Variants in VAX2 observed in about 807,000 individuals in gnomAD.
VAX2 encodes ventral anterior homeobox 2.
Under a neutral mutation model 12.5 loss-of-function variants are expected in VAX2, and 8 were observed. That is an observed-to-expected ratio of 0.64 (90% CI 0.37 to 1.15). The LOEUF (loss-of-function observed/expected upper bound fraction) is 1.15, where lower values mean the gene tolerates loss of function less well. Among genes scored for constraint, VAX2 ranks in the 50% most tolerant of loss-of-function variants. The probability of loss-of-function intolerance (pLI) is 0.01; values close to 1 mark genes in which losing one functional copy is unlikely to be tolerated. For synonymous variants in VAX2, 183 were observed against 187.6 expected (o/e 0.98, Z 0.20); for missense variants, 476 against 412.9 (o/e 1.15, Z -1.32).
At chr2:70,921,755 G>C (rs2104777569) in intron 2 of VAX2, among the ~76,000 whole-genome samples, 1 of 152,156 alleles carries the variant, frequency 6.6e-6, no homozygotes, top group East Asian at 1.9e-4. Context: ...CTTCATCTCA[G>C]GGTGCCTCAG....
At chr2:70,928,532 C>A (rs1679622229) in intron 2 of VAX2, among the ~76,000 whole-genome samples, 2 of 152,170 alleles carry the variant, frequency 1.3e-5, no homozygotes, top group Admixed American at 6.5e-5. Flanking sequence ...CTCACCTTCT[C>A]AGGAGACGCC....
rs1678995154 is a variant in VAX2, at chr2:70,904,061, G to C, written c.247+3193G>C. Among the ~76,000 whole-genome samples the C allele has an allele frequency of 1.3e-5, 2 of 152,204 alleles. No homozygotes were observed. Among genetic ancestry groups the C allele is most frequent in the Admixed American group, 6.5e-5 (1 of 15,286 alleles). On this transcript the variant is annotated intron_variant, in intron 1 of 2. Transcript: ENST00000234392. The surrounding 1 kb of genome is among the most constrained non-coding windows in gnomAD (Gnocchi z 4.2). ...CATGGGCACGGACCAGAGCTGCTGA[G>C]ATGATAGGCCGGGCGCATAACAGGC...
At chr2:70,922,097 G>T (rs1373001791) in intron 2 of VAX2, among the ~76,000 whole-genome samples, 5 of 152,168 alleles carry the variant, frequency 3.3e-5, no homozygotes, top group Non-Finnish European at 7.3e-5. Context: ...TCCGGAGCTG[G>T]GCTTTGGACA....
chr2:70,923,159 C>G (rs1553413077), intron 2 of VAX2, among the ~76,000 whole-genome samples: 1 of 152,162 alleles, frequency 6.6e-6, no homozygotes, highest in African/African-American at 2.4e-5. Context: ...CAGAACACAG[C>G]TGGACACATA....
At position 70,904,812 on chromosome 2, in the gene VAX2, G is replaced by A. The variant is rs142186908; in HGVS notation, c.247+3944G>A. ...GGCTGGGCGATTCCCGCCGTGGGAC[G>A]GGTGGGATTGACCTTAGTGGAGTCC... On this transcript the variant is annotated intron_variant, in intron 1 of 2. Coordinates refer to ENST00000234392, the MANE Select transcript of VAX2 (RefSeq NM_012476.3). The surrounding 1 kb of genome is among the most constrained non-coding windows in gnomAD (Gnocchi z 4.2). 6.6e-6 allele frequency among the ~76,000 whole-genome samples: 1 copy of A among 152,252 alleles called. No individual in the cohort carries two copies. Among genetic ancestry groups the A allele is most frequent in the African/African-American group, 2.4e-5 (1 of 41,472 alleles).
chr2:70,914,740 CT>C (rs1353275522), intron 1 of VAX2, among the ~76,000 whole-genome samples: 43 of 150,662 alleles, frequency 2.9e-4, no homozygotes, highest in African/African-American at 1.0e-3. Flanking sequence ...ATTTAGCTGT[CT>C]TTTTTTGTGA....
At chr2:70,925,919 C>T (rs149013112) in intron 2 of VAX2, among the ~76,000 whole-genome samples, 176 of 152,272 alleles carry the variant, frequency 1.2e-3, no homozygotes, top group African/African-American at 4.0e-3. Flanking sequence ...CTCTTTTTAT[C>T]TCTTCTCCTC....
chr2:70,912,965 C>A (rs1222499307), intron 1 of VAX2, among the ~76,000 whole-genome samples: 2 of 149,900 alleles, frequency 1.3e-5, no homozygotes, highest in African/African-American at 5.1e-5. Context: ...AAGTGCCTAC[C>A]TGCAAGGAAG....
chr2:70,920,108 T>A (rs545833842), intron 1 of VAX2, among the ~76,000 whole-genome samples: 2 of 152,322 alleles, frequency 1.3e-5, no homozygotes, highest in East Asian at 3.9e-4. Context: ...CCATTGCCAA[T>A]GCTAAGTAAT....
At chr2:70,910,795 C>CA (rs1242615641) in intron 1 of VAX2, among the ~76,000 whole-genome samples, 319 of 113,836 alleles carry the variant, frequency 2.8e-3, no homozygotes, top group Middle Eastern at 8.1e-3. Flanking sequence ...AAAAAAAAAA[C>CA]AAAACAAAAC....
intron 2 of VAX2, chr2:70,924,383 A>ACGGGGTCT (rs1679524042): frequency 6.8e-6 from 1 of 147,078 alleles, no homozygotes; most frequent in Non-Finnish European, 1.5e-5. Flanking sequence ...TACTGTAGAG[A>ACGGGGTCT]CGGGGTCTCG....
At chr2:70,908,485 GT>G (rs1240717608) in intron 1 of VAX2, among the ~76,000 whole-genome samples, 4 of 151,818 alleles carry the variant, frequency 2.6e-5, no homozygotes, top group African/African-American at 7.2e-5. Flanking sequence ...CTTTTTGTTT[GT>G]TTTTTTTATA....
intron 1 of VAX2, among the ~76,000 whole-genome samples, chr2:70,918,153 G>C (rs782233044): frequency 1.1e-4 from 17 of 152,236 alleles, no homozygotes; most frequent in Non-Finnish European, 1.9e-4. Flanking sequence ...CTGCCCAGCA[G>C]CTTGGCAGGA....
At chr2:70,909,774 T>C (rs769784000) in intron 1 of VAX2, among the ~76,000 whole-genome samples, 8 of 152,218 alleles carry the variant, frequency 5.3e-5, no homozygotes, top group Admixed American at 1.3e-4. Flanking sequence ...GTTATGTAGA[T>C]ATCATATAAC....
Position 70,933,029 on chromosome 2 carries a change from C to G in VAX2, c.698C>G (p.Ser233Cys). 1 of 1,599,434 alleles carries G rather than the reference C, an allele frequency of 6.3e-7. No homozygotes were observed. Among genetic ancestry groups the G allele is most frequent in the Non-Finnish European group, 8.5e-7 (1 of 1,172,546 alleles). Residue 233 changes from serine (S) to cysteine (C), a missense_variant, in exon 3 of 3, where the codon TCC becomes TGC. Ser to Cys is a moderately radical substitution (Grantham distance 112, BLOSUM62 -1). Transcript: ENST00000234392. The stretch of plus-strand genomic sequence containing the variant: ...TCCTCCCCACGCCTCAACCCGCTGT[C>G]CTCGGCCTCAGCGTCCCCCCCACTG... ...RNSSPRLNPLSSASASPPLPP... is the reference protein window; with the variant it reads ...RNSSPRLNPLCSASASPPLPP...
chr2:70,911,025 G>T (rs768835549), intron 1 of VAX2, among the ~76,000 whole-genome samples: 2 of 151,838 alleles, frequency 1.3e-5, no homozygotes, highest in Non-Finnish European at 2.9e-5. Flanking sequence ...TTATTCCCTA[G>T]TCTTTTCACC....
Position 70,932,751 on chromosome 2 carries a change from C to T in VAX2, c.436-16C>T, listed in dbSNP as rs1183609762. On this transcript the variant is annotated splice_polypyrimidine_tract_variant and intron_variant, in intron 2 of 2. Coordinates refer to ENST00000234392, the MANE Select transcript of VAX2 (RefSeq NM_012476.3). ...TGTCCCATCTCCCTCCTTGACACCC[C>T]CTCCCCCACCCCAAGGTGAAGGTCT... 12 of 1,521,610 alleles carry T rather than the reference C, an allele frequency of 7.9e-6. No homozygotes were observed. Among genetic ancestry groups the T allele is most frequent in the Non-Finnish European group, 8.8e-6 (10 of 1,132,498 alleles). The allele number at this position is 1,521,610 out of a possible 1,614,324, so 94.3% of individuals were successfully genotyped here.
Position 70,921,221 on chromosome 2 carries a change from G to C in VAX2, c.371G>C (p.Cys124Ser), listed in dbSNP as rs781991079. 3.8e-5 allele frequency: 62 copies of C among 1,613,570 alleles called. No individual in the cohort carries two copies. Among genetic ancestry groups the C allele is most frequent in the Non-Finnish European group, 5.1e-5 (60 of 1,179,926 alleles). Residue 124 changes from cysteine (C) to serine (S), a missense_variant, in exon 2 of 3, where the codon TGC becomes TCC. Physicochemically the swap from Cys to Ser is moderately radical, Grantham distance 112. Coordinates refer to ENST00000234392, the MANE Select transcript of VAX2 (RefSeq NM_012476.3). The stretch of plus-strand genomic sequence containing the variant: ...CGCCTGGAGATGGAGTTCCAGCGCT[G>C]CCAGTATGTGGTGGGCCGCGAGCGC... Reference protein sequence around the residue: ...LYRLEMEFQRCQYVVGRERTE... With the variant: ...LYRLEMEFQRSQYVVGRERTE...
At chr2:70,916,117 G>GT (rs1679301159) in intron 1 of VAX2, among the ~76,000 whole-genome samples, 2 of 152,098 alleles carry the variant, frequency 1.3e-5, no homozygotes, top group Admixed American at 1.3e-4. Flanking sequence ...ACACTATCGT[G>GT]TTTTTTCTAC....
Sources: allele counts gnomAD v4.1 joint callset (sites outside exome capture counted in the v4.1 genomes callset), GRCh38; gene constraint gnomAD v4.1.1; non-coding constraint Gnocchi (gnomAD v3.1); transcripts MANE v1.5; gene names NCBI Gene and HGNC (gene_info 2026-07-23, HGNC 2026-07-21).